The following NTRK3 variants were observed in gnomAD, a reference collection of about 807,000 sequenced individuals.
NTRK3 encodes the protein NT-3 growth factor receptor.
NTRK3 carries 24 observed loss-of-function variants against 91.7 expected under a neutral mutation model. The observed-to-expected ratio is 0.26, with a 90% CI of 0.19 to 0.37. The LOEUF (loss-of-function observed/expected upper bound fraction) is 0.37. Among genes scored for constraint, NTRK3 ranks in the 10% least tolerant of loss-of-function variants. The pLI is 1.00. For missense variants in NTRK3, 880 were observed against 1,068.9 expected (o/e 0.82, Z 2.46); for synonymous variants, 483 against 404.0 (o/e 1.20, Z -2.34).
chr15:88,009,126 G>A (rs1217704545), intron 14 of NTRK3, among the ~76,000 whole-genome samples: 1 of 152,152 alleles, frequency 6.6e-6, no homozygotes, highest in African/African-American at 2.4e-5. Context: ...AAGAGGCAAT[G>A]GAGAAACCCC....
In NTRK3 at chr15:88,033,309, CT is replaced by C. The variant is rs200529366; in HGVS notation, c.1397-265del. ...ATTTTTTTTCCATTCTATAGGTTGC[CT>C]TTTTTTTTTCTTTTAAATGAAATAG... On this transcript the variant is annotated intron_variant, in intron 13 of 18. Transcript: ENST00000394480. 5.1e-4 allele frequency among the ~76,000 whole-genome samples: 71 copies of C among 138,490 alleles called. 3 individuals carry two copies. The highest frequency in any genetic ancestry group is 2.3e-3 in the Admixed American group (32 of 13,722). The allele number at this position is 138,490 out of a possible 152,430, so 90.9% of individuals were successfully genotyped here.
In NTRK3 at chr15:88,116,439, A is replaced by C. The variant is rs963499687; in HGVS notation, c.1396+9832T>G. ...GTATCTACTAAAAGTACAAAAATTT[A>C]AAAAAAAAAAAATGGTGGTTATAGT... On this transcript the variant is annotated intron_variant, in intron 13 of 18. Coordinates refer to ENST00000394480, the Ensembl canonical transcript of NTRK3. Among the ~76,000 whole-genome samples, 12 of 136,156 alleles carry C rather than the reference A, an allele frequency of 8.8e-5. No individual in the cohort carries two copies. The East Asian group carries it at 2.4e-3, about 27-fold the overall frequency. 89.3% of individuals were successfully genotyped at this position (136,156 alleles called of 152,430 possible).
chr15:87,881,255 C>A (rs1373639491), intron 17 of NTRK3, among the ~76,000 whole-genome samples: 2 of 152,152 alleles, frequency 1.3e-5, no homozygotes, highest in Non-Finnish European at 2.9e-5. Flanking sequence ...AACTCAGGAA[C>A]TAACTGCATC....
chr15:87,929,069 T>A (rs1207656561), intron 17 of NTRK3, 122 bp downstream of exon 17: 1 of 1,441,606 alleles, frequency 6.9e-7, no homozygotes, highest in Non-Finnish European at 9.7e-7. Context: ...GTTGAGTGCA[T>A]GTCTGGGCAT....
At chr15:88,231,406 G>A (rs529985964) in intron 3 of NTRK3, among the ~76,000 whole-genome samples, 23 of 151,430 alleles carry the variant, frequency 1.5e-4, no homozygotes, top group African/African-American at 4.9e-4. Flanking sequence ...CTCAATCTGT[G>A]TCACTTTCAG....
At chr15:88,196,625 G>C (rs1397245523) in intron 3 of NTRK3, among the ~76,000 whole-genome samples, 2 of 152,242 alleles carry the variant, frequency 1.3e-5, no homozygotes, top group Non-Finnish European at 2.9e-5. Flanking sequence ...AGCTGGAGCA[G>C]TAGCCTTCCT....
chr15:88,111,268 G>A (rs1387476687), intron 13 of NTRK3, among the ~76,000 whole-genome samples: 1 of 152,150 alleles, frequency 6.6e-6, no homozygotes, highest in African/African-American at 2.4e-5. Context: ...GGTGCAATAT[G>A]GAATTGAGGT....
At chr15:88,043,237 C>A (rs976836797) in intron 13 of NTRK3, among the ~76,000 whole-genome samples, 1 of 152,166 alleles carries the variant, frequency 6.6e-6, no homozygotes, top group African/African-American at 2.4e-5. Context: ...GTATTTCAGA[C>A]CATCCCAGGC....
chr15:88,211,119 A>G (rs2049205830), intron 3 of NTRK3, among the ~76,000 whole-genome samples: 1 of 152,252 alleles, frequency 6.6e-6, no homozygotes, highest in Admixed American at 6.5e-5. Context: ...ACTTCTATTT[A>G]GTGCCAAAGC....
chr15:87,921,027 G>A (rs142558757), intron 17 of NTRK3, among the ~76,000 whole-genome samples: 6 of 152,238 alleles, frequency 3.9e-5, no homozygotes, highest in East Asian at 1.9e-4. Context: ...GGTTCCATAC[G>A]ATGCCAACAG....
chr15:87,921,229 G>C (rs923248025), intron 17 of NTRK3, among the ~76,000 whole-genome samples: 1 of 152,134 alleles, frequency 6.6e-6, no homozygotes, highest in Non-Finnish European at 1.5e-5. Flanking sequence ...GAATGATTAC[G>C]ATATTTCAAA....
At chr15:87,895,984 G>A (rs1046932823) in intron 17 of NTRK3, among the ~76,000 whole-genome samples, 1 of 151,864 alleles carries the variant, frequency 6.6e-6, no homozygotes, top group East Asian at 1.9e-4. Flanking sequence ...ACCTCCCCAC[G>A]TTGACTTGTC....
At chr15:88,161,227 CATT>C (rs553524024) in intron 5 of NTRK3, among the ~76,000 whole-genome samples, 18 of 152,304 alleles carry the variant, frequency 1.2e-4, no homozygotes, top group African/African-American at 2.6e-4. Context: ...CTACTATCAT[CATT>C]ATCATCATCT....
At chr15:87,868,781 G>A (rs1193139211) in exon 19 of NTRK3, 6 of 224,114 alleles carry the variant, frequency 2.7e-5, no homozygotes, top group East Asian at 2.6e-4. Flanking sequence ...TTAAAGAGAT[G>A]ACAAACCAGT....
chr15:88,189,014 T>G (rs1444198113), intron 3 of NTRK3, among the ~76,000 whole-genome samples: 1 of 152,186 alleles, frequency 6.6e-6, no homozygotes, highest in African/African-American at 2.4e-5. Context: ...CAAGAGCTAG[T>G]TGGGCACCAC....
chr15:88,189,724 G>C (rs552269279), intron 3 of NTRK3, among the ~76,000 whole-genome samples: 1 of 152,110 alleles, frequency 6.6e-6, no homozygotes, highest in African/African-American at 2.4e-5. Flanking sequence ...GATTACAGGC[G>C]TGAGCCACCA....
At chr15:88,108,663 A>G (rs2050978919) in intron 13 of NTRK3, among the ~76,000 whole-genome samples, 1 of 152,238 alleles carries the variant, frequency 6.6e-6, no homozygotes, top group South Asian at 2.1e-4. Context: ...GCTAGAATCC[A>G]GATTTCTATA....
intron 14 of NTRK3, among the ~76,000 whole-genome samples, chr15:87,954,868 T>A (rs1484137208): frequency 6.6e-6 from 1 of 152,180 alleles, no homozygotes; most frequent in Non-Finnish European, 1.5e-5. Context: ...AGCCACAGCG[T>A]CTGTCTTTTT....
At chr15:88,227,513 C>A (rs1246535448) in intron 3 of NTRK3, among the ~76,000 whole-genome samples, 1 of 152,128 alleles carries the variant, frequency 6.6e-6, no homozygotes, top group East Asian at 1.9e-4. Context: ...GGGACATGTG[C>A]ACACAGAAGG....
Sources: allele counts gnomAD v4.1 joint callset (sites outside exome capture counted in the v4.1 genomes callset), GRCh38; gene constraint gnomAD v4.1.1; transcripts MANE v1.5; gene names NCBI Gene and HGNC (gene_info 2026-07-23, HGNC 2026-07-21).